The following GPC5 variants were observed in gnomAD, a reference collection of about 807,000 sequenced individuals.
The protein encoded by GPC5 is glypican 5.
Under a neutral mutation model 53.9 loss-of-function variants are expected in GPC5, and 47 were observed. The observed-to-expected ratio is 0.87, with a 90% confidence interval of 0.69 to 1.11. GPC5 has a LOEUF of 1.11. GPC5 is among the 50% of genes most tolerant of loss of function. The pLI, the probability that GPC5 is intolerant of heterozygous loss-of-function variation, is 0.00. For synonymous variants in GPC5, 286 were observed against 263.3 expected (o/e 1.09, Z -0.84); for missense variants, 748 against 713.1 (o/e 1.05, Z -0.56).
chr13:91,653,681 C>G (rs967935359), intron 2 of GPC5, among the ~76,000 whole-genome samples: 1 of 152,102 alleles, frequency 6.6e-6, no homozygotes, highest in Admixed American at 6.6e-5. Context: ...TAGCTTCCCC[C>G]TCTTTCTCCC....
chr13:92,357,878 G>T (rs942714687), intron 7 of GPC5, among the ~76,000 whole-genome samples: 8 of 151,152 alleles, frequency 5.3e-5, no homozygotes, highest in African/African-American at 2.0e-4. Flanking sequence ...GAGATATGGG[G>T]GGGGACACAA....
chr13:92,368,649 A>C (rs991630305), intron 7 of GPC5, among the ~76,000 whole-genome samples: 8 of 151,386 alleles, frequency 5.3e-5, no homozygotes, highest in African/African-American at 1.9e-4. Flanking sequence ...AAAAAAAAAA[A>C]AAAAAAAAAA....
At chr13:92,456,965 A>G (rs1329419477) in intron 7 of GPC5, among the ~76,000 whole-genome samples, 1 of 151,758 alleles carries the variant, frequency 6.6e-6, no homozygotes, top group African/African-American at 2.4e-5. Context: ...TAAGAATAGT[A>G]CCCAATAGGT....
intron 7 of GPC5, among the ~76,000 whole-genome samples, chr13:92,392,651 G>A (rs1012553421): frequency 3.9e-5 from 6 of 152,036 alleles, no homozygotes; most frequent in African/African-American, 1.4e-4. Context: ...TGCAAACTAT[G>A]CATCTGACAA....
At chr13:92,328,572 C>A (rs1188693821) in intron 7 of GPC5, among the ~76,000 whole-genome samples, 3 of 151,996 alleles carry the variant, frequency 2.0e-5, no homozygotes, top group African/African-American at 4.8e-5. Flanking sequence ...AGTTCATTGT[C>A]GAAATGACAC....
At chr13:92,529,119 CAA>C (rs1023951923) in intron 7 of GPC5, among the ~76,000 whole-genome samples, 2 of 151,978 alleles carry the variant, frequency 1.3e-5, no homozygotes, top group African/African-American at 4.8e-5. Flanking sequence ...CATAAAAAAA[CAA>C]GAGTTCAAAA....
At chr13:91,421,473 T>G (rs931072956) in intron 1 of GPC5, among the ~76,000 whole-genome samples, 1 of 152,138 alleles carries the variant, frequency 6.6e-6, no homozygotes, top group African/African-American at 2.4e-5. Flanking sequence ...TTTAACTCTC[T>G]TTTTTTCCTT....
chr13:92,658,466 G>C (rs1361171363), intron 7 of GPC5, among the ~76,000 whole-genome samples: 12 of 152,182 alleles, frequency 7.9e-5, no homozygotes, highest in African/African-American at 2.7e-4. Flanking sequence ...ACCTGTTCCA[G>C]CACTGGACAG....
intron 7 of GPC5, among the ~76,000 whole-genome samples, chr13:92,336,557 GAGTA>G (rs1362216715): frequency 7.3e-6 from 1 of 136,736 alleles, no homozygotes; most frequent in Admixed American, 7.3e-5. Flanking sequence ...GATGTTGTCT[GAGTA>G]GAGATGGAAT....
At chr13:91,995,301 C>G (rs1392940964) in intron 6 of GPC5, 2 of 152,102 alleles carry the variant, frequency 1.3e-5, no homozygotes, top group Non-Finnish European at 2.9e-5. Context: ...AATGACTTGA[C>G]TGACTTTGCA....
chr13:91,868,574 AC>A (rs912634991), intron 5 of GPC5, among the ~76,000 whole-genome samples: 4 of 152,086 alleles, frequency 2.6e-5, no homozygotes, highest in Admixed American at 2.0e-4. Flanking sequence ...GTCTGGTGGC[AC>A]ATGACTGTAA....
chr13:91,706,307 T>C (rs2036104802), intron 3 of GPC5, among the ~76,000 whole-genome samples: 1 of 152,058 alleles, frequency 6.6e-6, no homozygotes, highest in Admixed American at 6.6e-5. Context: ...CCCCATAGAG[T>C]TATAAGTGAT....
At chr13:91,558,462 G>A (rs751880711) in intron 2 of GPC5, among the ~76,000 whole-genome samples, 3 of 151,994 alleles carry the variant, frequency 2.0e-5, no homozygotes, top group Non-Finnish European at 4.4e-5. Context: ...GTAAATATTT[G>A]TCACTTACCA....
chr13:91,446,666 C>T (rs1319477505), intron 1 of GPC5, among the ~76,000 whole-genome samples: 8 of 152,162 alleles, frequency 5.3e-5, no homozygotes, highest in Admixed American at 5.2e-4. Context: ...GCCCTTTGTG[C>T]TGATACTGTG....
intron 7 of GPC5, among the ~76,000 whole-genome samples, chr13:92,715,909 A>G (rs890058572): frequency 5.9e-5 from 9 of 152,184 alleles, no homozygotes; most frequent in African/African-American, 1.9e-4. Context: ...TAGAGAATTA[A>G]TCTAGTTTTT....
intron 7 of GPC5, among the ~76,000 whole-genome samples, chr13:92,432,532 G>T (rs1445436720): frequency 1.3e-5 from 2 of 148,278 alleles, no homozygotes; most frequent in Admixed American, 6.8e-5. Flanking sequence ...CCACCACCAC[G>T]CCCGGCTATT....
At chr13:92,064,001 G>A (rs1465492801) in intron 6 of GPC5, among the ~76,000 whole-genome samples, 6 of 152,180 alleles carry the variant, frequency 3.9e-5, no homozygotes. Context: ...TTGGCTGAGA[G>A]AGAGAGAGAG....
chr13:91,540,525 T>A (rs1195043180), intron 2 of GPC5, among the ~76,000 whole-genome samples: 1 of 152,178 alleles, frequency 6.6e-6, no homozygotes, highest in Non-Finnish European at 1.5e-5. Context: ...ATGAGAATGA[T>A]CTGAAGTTGA....
At chr13:92,341,470 T>C (rs1482022700) in intron 7 of GPC5, among the ~76,000 whole-genome samples, 1 of 152,152 alleles carries the variant, frequency 6.6e-6, no homozygotes, top group Non-Finnish European at 1.5e-5. Context: ...TAAGATTAAA[T>C]GAAATTATTT....
Sources: gnomAD v4.1 joint callset for allele counts (sites outside exome capture counted in the v4.1 genomes callset) on GRCh38, gnomAD v4.1.1 for gene constraint, MANE v1.5 for transcripts, NCBI Gene and HGNC (gene_info 2026-07-23, HGNC 2026-07-21) for gene names.